The following ABAT variants were observed in gnomAD, a reference collection of about 807,000 sequenced individuals.
ABAT encodes the protein 4-aminobutyrate aminotransferase, mitochondrial.
Under a neutral mutation model 64.6 loss-of-function variants are expected in ABAT, and 45 were observed. That is an observed-to-expected ratio of 0.70 (90% CI 0.55 to 0.89). ABAT has a LOEUF of 0.89. Among genes scored for constraint, ABAT ranks in the 40% least tolerant of loss-of-function variants. The pLI is 0.00. For missense variants in ABAT, 633 were observed against 658.4 expected (o/e 0.96, Z 0.42); for synonymous variants, 297 against 250.5 (o/e 1.19, Z -1.75).
At chr16:8,751,923 A>G (rs1477157172) in intron 5 of ABAT, among the ~76,000 whole-genome samples, 7 of 152,166 alleles carry the variant, frequency 4.6e-5, no homozygotes, top group Non-Finnish European at 1.0e-4. Context: ...TTGGATGGTT[A>G]ATGTTTCTTT....
intron 2 of ABAT, among the ~76,000 whole-genome samples, chr16:8,738,013 A>AAAGAAAGG (rs1268824206): frequency 8.9e-5 from 10 of 111,958 alleles, no homozygotes; most frequent in East Asian, 2.7e-4. Context: ...AGAAAGAAAG[A>AAAGAAAGG]AAGGAAAGAA....
intron 1 of ABAT, among the ~76,000 whole-genome samples, chr16:8,728,084 G>T (rs1357748799): frequency 7.2e-6 from 1 of 139,780 alleles, no homozygotes; most frequent in Non-Finnish European, 1.6e-5. Context: ...GAGAGAGAGA[G>T]AGAGATTGAT....
intron 1 of ABAT, chr16:8,731,627 C>T (rs1297157927): frequency 1.3e-5 from 2 of 149,136 alleles, no homozygotes; most frequent in Non-Finnish European, 3.0e-5. Context: ...TCCTGGATCA[C>T]TTTTCTTTTT....
intron 1 of ABAT, among the ~76,000 whole-genome samples, chr16:8,693,389 GA>G (rs35771183): frequency 1.2e-4 from 18 of 152,052 alleles, no homozygotes; most frequent in African/African-American, 3.9e-4. Flanking sequence ...TATATTTATT[GA>G]AAAAAATCCT....
chr16:8,732,574 A>T (rs999579903), intron 1 of ABAT, among the ~76,000 whole-genome samples: 5 of 151,808 alleles, frequency 3.3e-5, no homozygotes, highest in East Asian at 1.9e-4. Flanking sequence ...AAGGCAGAAG[A>T]AGTTTTCTTA....
At chr16:8,743,402 C>A (rs2059223615) in intron 2 of ABAT, among the ~76,000 whole-genome samples, 1 of 95,070 alleles carries the variant, frequency 1.1e-5, no homozygotes, top group Non-Finnish European at 1.9e-5. Context: ...TTTAGAGTCC[C>A]CTCTTGTGTA....
In ABAT at chr16:8,751,619, C is replaced by T. The variant is rs928437927; in HGVS notation, c.316+1080C>T. Among the ~76,000 whole-genome samples the T allele has an allele frequency of 4.6e-5, 7 of 152,224 alleles. No individual in the cohort carries two copies. The East Asian group carries it at 5.8e-4, about 13-fold the overall frequency. The stretch of plus-strand genomic sequence containing the variant: ...TTATGACCCTTCACCAGCCAGTCAT[C>T]GCCCATCAGCTGCGAGAGGGGAGAA... On this transcript the variant is annotated intron_variant, in intron 5 of 15. Coordinates refer to ENST00000268251, the MANE Select transcript of ABAT (RefSeq NM_020686.6).
intron 15 of ABAT, 129 bp downstream of exon 15, chr16:8,779,719 C>A: frequency 2.7e-6 from 2 of 732,192 alleles, no homozygotes; most frequent in South Asian, 1.5e-5. Context: ...TGAAAAGAGC[C>A]TGAATGCTCT....
rs2059003381 is a variant in ABAT, at chr16:8,737,939, GGAAAGGAAGA to G, written c.70+2131_70+2140del. Among the ~76,000 whole-genome samples, 8 of 25,134 alleles carry G rather than the reference GGAAAGGAAGA, an allele frequency of 3.2e-4. 1 individual carries two copies. The highest frequency in any genetic ancestry group is 1.1e-3 in the African/African-American group (7 of 6,452). The allele number at this position is 25,134 out of a possible 152,430, so 16.5% of individuals were successfully genotyped here. A position where few individuals can be genotyped will look rare whatever the true frequency, so the allele number is the denominator to read the frequency against. ...TGAGATTAAAAAAAAAAAAAAGAAA[GGAAAGGAAGA>G]AAGGAAGGAAGGAAGGAAGGAAGGA... On this transcript the variant is annotated intron_variant, in intron 2 of 15. Coordinates refer to ENST00000268251, the MANE Select transcript of ABAT (RefSeq NM_020686.6).
intron 1 of ABAT, among the ~76,000 whole-genome samples, chr16:8,684,502 G>A (rs1020952801): frequency 7.2e-5 from 11 of 152,102 alleles, no homozygotes; most frequent in South Asian, 6.2e-4. Context: ...GAGCCCAGGA[G>A]TTTGAGACCA....
intron 12 of ABAT, among the ~76,000 whole-genome samples, chr16:8,773,472 C>A (rs12446980): frequency 2.0e-5 from 3 of 152,086 alleles, no homozygotes; most frequent in Admixed American, 6.6e-5. Context: ...TTTAAAAAAC[C>A]TTTTTGGATA....
chr16:8,776,374 G>A lies in ABAT; in HGVS notation c.1153G>A (p.Asp385Asn). ...CCGGATCTTCAACACCTGGCTGGGG[G>A]ACCCGTCCAAGAACCTGTTGCTGGC... ...PYRIFNTWLGDPSKNLLLAEV... is the reference protein window; with the variant it reads ...PYRIFNTWLGNPSKNLLLAEV... The change falls in exon 14 of 16, where the codon GAC becomes AAC. Residue 385 changes from aspartate (D) to asparagine (N), a missense_variant. By Grantham distance (23) the Asp-to-Asn change is conservative. Transcript: ENST00000268251. This position sits in a 1 kb window ranked among gnomAD's most constrained non-coding sequence, Gnocchi z 4.4. 2.5e-6 allele frequency: 4 copies of A among 1,614,194 alleles called. No individual in the cohort carries two copies. The highest frequency in any genetic ancestry group is 3.4e-6 in the Non-Finnish European group (4 of 1,180,036).
chr16:8,735,954 C>T (rs1319730857), intron 2 of ABAT, 145 bp downstream of exon 2: 1 of 707,850 alleles, frequency 1.4e-6, no homozygotes, highest in Non-Finnish European at 2.5e-6. Context: ...AGTCTGTTCT[C>T]ATGCTGCTAA....
chr16:8,728,394 G>A (rs578080826), intron 1 of ABAT, among the ~76,000 whole-genome samples: 6 of 152,088 alleles, frequency 3.9e-5, no homozygotes, highest in African/African-American at 7.2e-5. Flanking sequence ...TGAGACATTC[G>A]GAGTTTCAAA....
At position 8,769,335 on chromosome 16, in the gene ABAT, G is replaced by A. The variant is rs369350988; in HGVS notation, c.816+362G>A. Among the ~76,000 whole-genome samples, 9 of 152,304 alleles carry A rather than the reference G, an allele frequency of 5.9e-5. No homozygotes were observed. In the East Asian group the frequency reaches 1.2e-3, roughly 20 times the overall value. ...TAATCCCAGCACTTTGGGAGGCTGAGACGGGAGGATCACCTGAGGCCAGGA... is the reference window on the plus strand; with the variant it reads ...TAATCCCAGCACTTTGGGAGGCTGAAACGGGAGGATCACCTGAGGCCAGGA... On this transcript the variant is annotated intron_variant, in intron 11 of 15. Coordinates refer to ENST00000268251, the MANE Select transcript of ABAT (RefSeq NM_020686.6).
At chr16:8,771,464 C>CTTTTTTTTTTTTTT (rs1207440161) in intron 11 of ABAT, among the ~76,000 whole-genome samples, 2 of 108,456 alleles carry the variant, frequency 1.8e-5, no homozygotes, top group African/African-American at 6.5e-5. Context: ...TAGGGTTTTT[C>CTTTTTTTTTTTTTT]TTTCTTTTTT....
intron 1 of ABAT, among the ~76,000 whole-genome samples, chr16:8,701,938 G>A: frequency 6.6e-6 from 1 of 151,228 alleles, no homozygotes; most frequent in African/African-American, 2.4e-5. Context: ...GGAGGGGGTG[G>A]CAGGGAGGGG....
At chr16:8,677,982 C>A (rs950673744) in intron 1 of ABAT, among the ~76,000 whole-genome samples, 1 of 151,866 alleles carries the variant, frequency 6.6e-6, no homozygotes, top group Admixed American at 6.6e-5. Context: ...TTGCTTGAGC[C>A]CGGGGAGGTC....
At chr16:8,770,484 G>T (rs2060075335) in intron 11 of ABAT, among the ~76,000 whole-genome samples, 1 of 151,578 alleles carries the variant, frequency 6.6e-6, no homozygotes, top group Admixed American at 6.6e-5. Flanking sequence ...TGTCACCCAG[G>T]CTGGAGTGCA....
Sources: gnomAD v4.1 joint callset for allele counts (sites outside exome capture counted in the v4.1 genomes callset) on GRCh38, gnomAD v4.1.1 for gene constraint, Gnocchi (gnomAD v3.1) non-coding constraint, MANE v1.5 for transcripts, NCBI Gene and HGNC (gene_info 2026-07-23, HGNC 2026-07-21) for gene names.